Variants in CDK5RAP2 observed in about 807,000 individuals in gnomAD.
CDK5RAP2 encodes the protein CDK5 regulatory subunit-associated protein 2.
CDK5RAP2 carries 147 observed loss-of-function variants against 232.9 expected under a neutral mutation model. That is an observed-to-expected ratio of 0.63 (90% CI 0.55 to 0.72). The LOEUF (loss-of-function observed/expected upper bound fraction) is 0.72, where lower values mean the gene tolerates loss of function less well. CDK5RAP2 is among the 30% of genes least tolerant of loss of function. The probability of loss-of-function intolerance (pLI) is 0.00; values close to 1 mark genes in which losing one functional copy is unlikely to be tolerated. For missense variants in CDK5RAP2, 2,195 were observed against 2,231.5 expected (o/e 0.98, Z 0.33); for synonymous variants, 833 against 833.7 (o/e 1.00, Z 0.01).
intron 4 of CDK5RAP2, among the ~76,000 whole-genome samples, chr9:120,546,829 G>A (rs2041860319): frequency 6.6e-6 from 1 of 152,116 alleles, no homozygotes; most frequent in South Asian, 2.1e-4. Flanking sequence ...TACAGATTGG[G>A]TCTTGCTATA....
At chr9:120,509,187 G>C (rs2039965455) in intron 12 of CDK5RAP2, among the ~76,000 whole-genome samples, 1 of 152,202 alleles carries the variant, frequency 6.6e-6, no homozygotes, top group South Asian at 2.1e-4. Flanking sequence ...ACTTTCTTCA[G>C]AGGAGAGGTT....
At chr9:120,389,377 T>A in intron 37 of CDK5RAP2, 85 bp from the exon 38 acceptor site, 1 of 1,073,080 alleles carries the variant, frequency 9.3e-7, no homozygotes, top group East Asian at 2.5e-5. Context: ...AAAGCGAGAC[T>A]GTTATTCTCA....
At chr9:120,426,566 T>C (rs1413048240) in intron 25 of CDK5RAP2, among the ~76,000 whole-genome samples, 1 of 152,192 alleles carries the variant, frequency 6.6e-6, no homozygotes, top group Non-Finnish European at 1.5e-5. Context: ...TTTTCTTATG[T>C]GGATGAAGTC....
At chr9:120,463,038 T>C (rs1292699187) in intron 18 of CDK5RAP2, among the ~76,000 whole-genome samples, 1 of 152,126 alleles carries the variant, frequency 6.6e-6, no homozygotes, top group African/African-American at 2.4e-5. Flanking sequence ...TTTTTCATAA[T>C]AAAATATTAG....
intron 25 of CDK5RAP2, among the ~76,000 whole-genome samples, chr9:120,430,465 A>G (rs1404322993): frequency 6.6e-6 from 1 of 150,700 alleles, no homozygotes; most frequent in African/African-American, 2.4e-5. Flanking sequence ...ATGAACAGAC[A>G]CTTCTCAAAA....
At chr9:120,507,927 AAAAAAAAAAAAAAAAAT>A (rs1308140173) in intron 12 of CDK5RAP2, among the ~76,000 whole-genome samples, 2 of 69,994 alleles carry the variant, frequency 2.9e-5, no homozygotes, top group Non-Finnish European at 3.2e-5. Flanking sequence ...AAAAAAAAAA[AAAAAAAAAAAAAAAAAT>A]ATATATATAT....
chr9:120,392,386 A>G (rs1388902026), intron 36 of CDK5RAP2, among the ~76,000 whole-genome samples: 2 of 152,198 alleles, frequency 1.3e-5, no homozygotes, highest in Non-Finnish European at 2.9e-5. Context: ...TGCTCAATCA[A>G]TAATTCCATG....
chr9:120,473,406 G>C (rs1744553659), intron 15 of CDK5RAP2, among the ~76,000 whole-genome samples: 1 of 152,082 alleles, frequency 6.6e-6, no homozygotes, highest in Admixed American at 6.5e-5. Context: ...TTTTCAAAAG[G>C]GATCAATAGC....
At chr9:120,445,305 T>C (rs9886695) in intron 22 of CDK5RAP2, among the ~76,000 whole-genome samples, 3,222 of 152,344 alleles carry the variant, frequency 0.021, 102 homozygotes, top group African/African-American at 0.071. Context: ...TTGCAGCTCA[T>C]GCTTCCAGAA....
At chr9:120,472,645 A>G (rs2037778999) in intron 15 of CDK5RAP2, among the ~76,000 whole-genome samples, 1 of 152,224 alleles carries the variant, frequency 6.6e-6, no homozygotes, top group South Asian at 2.1e-4. Flanking sequence ...AGAAACGCAT[A>G]GTATGAGTGG....
chr9:120,566,189 A>T (rs1398087429), intron 3 of CDK5RAP2, among the ~76,000 whole-genome samples: 2 of 152,222 alleles, frequency 1.3e-5, no homozygotes, highest in African/African-American at 2.4e-5. Context: ...AGCATCCCAC[A>T]GAAAGTTCAG....
chr9:120,561,428 C>CT (rs910886424), intron 3 of CDK5RAP2, among the ~76,000 whole-genome samples: 1 of 152,158 alleles, frequency 6.6e-6, no homozygotes, highest in Non-Finnish European at 1.5e-5. Context: ...TCCCAAGTAG[C>CT]TGGGACCACA....
chr9:120,391,371 G>A (rs1415646306), intron 36 of CDK5RAP2, among the ~76,000 whole-genome samples: 1 of 152,120 alleles, frequency 6.6e-6, no homozygotes, highest in Admixed American at 6.5e-5. Flanking sequence ...AGCGACAAAG[G>A]ACTCGTCCCA....
At chr9:120,520,399 T>C (rs1001559665) in intron 11 of CDK5RAP2, among the ~76,000 whole-genome samples, 5 of 152,198 alleles carry the variant, frequency 3.3e-5, no homozygotes, top group African/African-American at 1.2e-4. Context: ...CCCAGCACTT[T>C]GGGAGGCTGA....
Position 120,550,898 on chromosome 9 carries a change from A to T in CDK5RAP2, c.200T>A (p.Ile67Asn). 6.3e-7 allele frequency: 1 copy of T among 1,595,174 alleles called. No homozygotes were observed. The highest frequency in any genetic ancestry group is 8.6e-7 in the Non-Finnish European group (1 of 1,162,746). ...ARNMKDFENQ[I>N]TELKKENFNL... is the part of the protein sequence containing the mutation. The stretch of plus-strand genomic sequence containing the variant: ...AAAGTTTTCTTTCTTCAATTCAGTG[A>T]TTTGCTGAAAAATATCACAGAAGGG... The change falls in exon 4 of 38, where the codon ATC becomes AAC. Residue 67 changes from isoleucine (I) to asparagine (N), a missense_variant. By Grantham distance (149) the Ile-to-Asn change is moderately radical. Coordinates refer to ENST00000349780, the MANE Select transcript of CDK5RAP2 (RefSeq NM_018249.6).
At chr9:120,526,521 T>C (rs896199396) in intron 10 of CDK5RAP2, among the ~76,000 whole-genome samples, 6 of 152,090 alleles carry the variant, frequency 3.9e-5, no homozygotes, top group African/African-American at 1.4e-4. Context: ...CCCCTCCCCC[T>C]CCATTCCTAC....
At chr9:120,526,732 C>T (rs2040916113) in intron 10 of CDK5RAP2, among the ~76,000 whole-genome samples, 1 of 152,174 alleles carries the variant, frequency 6.6e-6, no homozygotes, top group African/African-American at 2.4e-5. Context: ...CCAACCCCCA[C>T]CGGCTGGCCA....
intron 3 of CDK5RAP2, among the ~76,000 whole-genome samples, chr9:120,559,570 GA>G (rs777727216): frequency 0.022 from 1,356 of 60,820 alleles, 15 homozygotes; most frequent in African/African-American, 0.057. Flanking sequence ...AGAGAAACAA[GA>G]AAAAAAAAAA....
chr9:120,409,682 G>A (rs2033723559), intron 29 of CDK5RAP2, among the ~76,000 whole-genome samples: 1 of 152,254 alleles, frequency 6.6e-6, no homozygotes, highest in Admixed American at 6.5e-5. Context: ...CTAGCACCAG[G>A]AGGCCGGCAG....
Sources: allele counts gnomAD v4.1 joint callset (sites outside exome capture counted in the v4.1 genomes callset), GRCh38; gene constraint gnomAD v4.1.1; transcripts MANE v1.5; gene names NCBI Gene and HGNC (gene_info 2026-07-23, HGNC 2026-07-21).